The following ZBTB8A variants were observed in gnomAD, a reference collection of about 807,000 sequenced individuals.
ZBTB8A encodes the protein zinc finger and BTB domain containing 8A.
In ZBTB8A, 19 loss-of-function variants were observed where a neutral mutation model predicts 37.8. The observed-to-expected ratio is 0.50, with a 90% CI of 0.35 to 0.74. The LOEUF (loss-of-function observed/expected upper bound fraction) is 0.74, where lower values mean the gene tolerates loss of function less well. ZBTB8A is among the 30% of genes least tolerant of loss of function. ZBTB8A has a pLI of 0.01. For synonymous variants in ZBTB8A, 181 were observed against 185.2 expected, an observed-to-expected ratio of 0.98 and a Z score of 0.19; for missense variants, 394 against 537.8, an observed-to-expected ratio of 0.73 and a Z score of 2.65.
chr1:32,592,983 C>T lies in ZBTB8A; in HGVS notation c.52C>T (p.Arg18Cys). ...CCTCCTGCAGCAACTGAACGAGCAG[C>T]GCAGGCAAGATGTATTTTGTGACTG... ...SHLLQQLNEQ[R>C]RQDVFCDCSI... The change falls in exon 3 of 5, where the codon CGC (arginine) becomes TGC (cysteine). Residue 18 changes from arginine to cysteine, a missense_variant. Coordinates refer to ENST00000373510, the MANE Select transcript of ZBTB8A (RefSeq NM_001040441.3). The T allele has an allele frequency of 1.2e-6, 2 of 1,614,068 alleles. No homozygotes were observed. Among genetic ancestry groups the T allele is most frequent in the Non-Finnish European group, 8.5e-7 (1 of 1,179,974 alleles).
In ZBTB8A at chr1:32,595,084, C is replaced by T. The variant is rs148156542; in HGVS notation, c.854C>T (p.Pro285Leu). ...CTGCCTCGGATGCGATTCAAGTGCC[C>T]GTACTGCACACATGTGGTGAAGCGG... The part of the protein sequence containing the change: ...DDLPRMRFKC[P>L]YCTHVVKRKA... Residue 285 changes from proline (P) to leucine (L), a missense_variant, in exon 4 of 5, where the codon CCG becomes CTG. Transcript: ENST00000373510. 8 of 1,613,956 alleles carry T rather than the reference C, an allele frequency of 5.0e-6. No homozygotes were observed. Among genetic ancestry groups the T allele is most frequent in the African/African-American group, 4.0e-5 (3 of 74,918 alleles).
chr1:32,560,515 T>G (rs1366968852), intron 2 of ZBTB8A, among the ~76,000 whole-genome samples: 3 of 151,976 alleles, frequency 2.0e-5, no homozygotes, highest in African/African-American at 7.2e-5. Flanking sequence ...TTCAGCGTTT[T>G]TTGTTGTTGT....
At chr1:32,586,901 A>T (rs1339786202) in intron 2 of ZBTB8A, among the ~76,000 whole-genome samples, 1 of 152,144 alleles carries the variant, frequency 6.6e-6, no homozygotes, top group Non-Finnish European at 1.5e-5. Flanking sequence ...TAGAAGGATC[A>T]CTGTGGCTGC....
intron 2 of ZBTB8A, among the ~76,000 whole-genome samples, chr1:32,554,489 TTTA>T (rs1159259587): frequency 2.0e-5 from 3 of 148,734 alleles, no homozygotes; most frequent in African/African-American, 7.4e-5. Context: ...TATTTATTTA[TTTA>T]TTTATTTATT....
intron 2 of ZBTB8A, among the ~76,000 whole-genome samples, chr1:32,554,198 C>CAAAAA (rs1017025736): frequency 6.0e-5 from 3 of 50,186 alleles, no homozygotes; most frequent in East Asian, 1.2e-3. Context: ...AGACTGTCTC[C>CAAAAA]AAAAAAAAAA....
At chr1:32,558,467 A>ACACACCC (rs1644220244) in intron 2 of ZBTB8A, among the ~76,000 whole-genome samples, 1 of 151,986 alleles carries the variant, frequency 6.6e-6, no homozygotes, top group African/African-American at 2.4e-5. Context: ...ACACACACAC[A>ACACACCC]CACACACAAA....
At chr1:32,559,496 C>A (rs1270163231) in intron 2 of ZBTB8A, among the ~76,000 whole-genome samples, 1 of 151,996 alleles carries the variant, frequency 6.6e-6, no homozygotes, top group African/African-American at 2.4e-5. Context: ...CAGAGTCTTA[C>A]TGTGTCACCC....
chr1:32,593,608 C>G lies in ZBTB8A; in HGVS notation c.677C>G (p.Ser226Ter). The change falls in exon 3 of 5, where the codon TCA (serine) becomes TGA (stop). Residue 226 changes from serine (S) to a stop codon, truncating the protein, a stop_gained. Coordinates refer to ENST00000373510, the MANE Select transcript of ZBTB8A (RefSeq NM_001040441.3). LOFTEE classifies it high-confidence loss of function. ...CCTTCTGAAGTTACTCATTATAAGT[C>G]AAGCAAACGAGAAGTACGAACATCT... ...SQPSEVTHYKSSKREVRTSDS... is the reference protein window; with the variant it reads ...SQPSEVTHYK 1 of 1,614,192 alleles carries G rather than the reference C, an allele frequency of 6.2e-7. No homozygotes were observed. Among genetic ancestry groups the G allele is most frequent in the Non-Finnish European group, 8.5e-7 (1 of 1,180,046 alleles).
intron 2 of ZBTB8A, among the ~76,000 whole-genome samples, chr1:32,561,489 T>G (rs771395619): frequency 1.8e-4 from 28 of 152,158 alleles, no homozygotes; most frequent in Non-Finnish European, 3.5e-4. Context: ...GCATTCCTTC[T>G]GTTGTAGCTC....
At chr1:32,557,584 C>G (rs1294721097) in intron 2 of ZBTB8A, among the ~76,000 whole-genome samples, 1 of 152,002 alleles carries the variant, frequency 6.6e-6, no homozygotes, top group African/African-American at 2.4e-5. Context: ...CACCTCAGCC[C>G]CCAAGTAGCT....
chr1:32,544,262 C>T (rs530832865), intron 1 of ZBTB8A, among the ~76,000 whole-genome samples: 1 of 152,350 alleles, frequency 6.6e-6, no homozygotes, highest in South Asian at 2.1e-4. Context: ...ATAGAATGTA[C>T]TTACACAAAC....
intron 2 of ZBTB8A, among the ~76,000 whole-genome samples, chr1:32,590,254 A>G (rs1644478079): frequency 6.6e-6 from 1 of 151,988 alleles, no homozygotes; most frequent in East Asian, 1.9e-4. Flanking sequence ...TTTCAGGTTG[A>G]GATTTCCCAC....
At chr1:32,539,838 A>G (rs1364269141) in intron 1 of ZBTB8A, among the ~76,000 whole-genome samples, 2 of 22,116 alleles carry the variant, frequency 9.0e-5, no homozygotes, top group Non-Finnish European at 2.1e-4. Context: ...AGGCGCGCGG[A>G]GCCTCCTGGA....
In ZBTB8A at chr1:32,601,509, C is replaced by G. The variant is rs1382609404; in HGVS notation, c.*1090C>G. The G allele has an allele frequency of 2.5e-6, 1 of 396,838 alleles. No homozygotes were observed. Among genetic ancestry groups the G allele is most frequent in the Non-Finnish European group, 4.4e-6 (1 of 225,282 alleles). The allele number at this position is 396,838 out of a possible 1,614,324, so 24.6% of individuals were successfully genotyped here. ...AGGAAAACAAACTAGGAGGTTCTTA[C>G]CATATGTGAGTGATTTCTAACGTTT... On this transcript the variant is annotated 3_prime_UTR_variant, in exon 5 of 5. Coordinates refer to ENST00000373510, the MANE Select transcript of ZBTB8A (RefSeq NM_001040441.3).
At chr1:32,598,488 C>T (rs1644550264) in intron 4 of ZBTB8A, among the ~76,000 whole-genome samples, 1 of 151,978 alleles carries the variant, frequency 6.6e-6, no homozygotes, top group Admixed American at 6.6e-5. Flanking sequence ...CCACTCACCT[C>T]AGCCTTCCAA....
intron 2 of ZBTB8A, among the ~76,000 whole-genome samples, chr1:32,564,230 T>A (rs1417029484): frequency 6.6e-6 from 1 of 152,126 alleles, no homozygotes; most frequent in Non-Finnish European, 1.5e-5. Context: ...CCAGAATAAC[T>A]CATCCCTAAG....
At chr1:32,577,716 G>A (rs969015833) in intron 2 of ZBTB8A, among the ~76,000 whole-genome samples, 3 of 150,392 alleles carry the variant, frequency 2.0e-5, no homozygotes, top group Non-Finnish European at 3.0e-5. Flanking sequence ...CGAGTAACTG[G>A]GATTACAGGT....
chr1:32,551,421 C>CAAAA (rs553866696), intron 1 of ZBTB8A, among the ~76,000 whole-genome samples: 12 of 148,708 alleles, frequency 8.1e-5, no homozygotes, highest in African/African-American at 2.2e-4. Context: ...GACTCTCTCT[C>CAAAA]AAAAAAAAAA....
intron 2 of ZBTB8A, among the ~76,000 whole-genome samples, chr1:32,568,625 A>G (rs1644302773): frequency 6.6e-6 from 1 of 152,120 alleles, no homozygotes; most frequent in African/African-American, 2.4e-5. Context: ...TAACCTCGTG[A>G]TCCGCCCGCC....
Sources: allele counts gnomAD v4.1 joint callset (sites outside exome capture counted in the v4.1 genomes callset), GRCh38; gene constraint gnomAD v4.1.1; transcripts MANE v1.5; gene names NCBI Gene and HGNC (gene_info 2026-07-23, HGNC 2026-07-21).